C4orf17: variants seen among roughly 807,000 people sequenced by gnomAD.
C4orf17 encodes uncharacterized protein C4orf17.
A neutral mutation model predicts 32.0 loss-of-function variants in C4orf17; 25 were observed. That is an observed-to-expected ratio of 0.78 (90% CI 0.57 to 1.09). The LOEUF (loss-of-function observed/expected upper bound fraction) is 1.09, where lower values mean the gene tolerates loss of function less well. Ranked by LOEUF, C4orf17 falls within the 50% of genes least tolerant of loss-of-function variation. The pLI is 0.00. For synonymous variants in C4orf17, 149 were observed against 145.8 expected (o/e 1.02, Z -0.16); for missense variants, 420 against 420.0 (o/e 1.00, Z 0.00).
intron 2 of C4orf17, among the ~76,000 whole-genome samples, 175 bp from the exon 3 acceptor site, chr4:99,522,325 C>T (rs866304988): frequency 5.4e-5 from 8 of 149,158 alleles, no homozygotes; most frequent in Middle Eastern, 6.8e-3. Context: ...AGAATGTCTA[C>T]CTTGCACTGG....
intron 3 of C4orf17, among the ~76,000 whole-genome samples, chr4:99,523,239 A>G (rs567071965): frequency 6.6e-6 from 1 of 152,018 alleles, no homozygotes; most frequent in South Asian, 2.1e-4. Flanking sequence ...AGGCACTGAT[A>G]AAAGTAAAAT....
At chr4:99,521,407 C>A (rs1264249310) in intron 2 of C4orf17, among the ~76,000 whole-genome samples, 1 of 151,800 alleles carries the variant, frequency 6.6e-6, no homozygotes, top group Non-Finnish European at 1.5e-5. Context: ...AATTTGTGAC[C>A]ATTGCATATT....
Position 99,529,842 on chromosome 4 carries a change from T to A in C4orf17, c.430T>A (p.Ser144Thr), listed in dbSNP as rs775429541. ...KEEIKAKRPP[S>T]PPKACSTPGS... The stretch of plus-strand genomic sequence containing the variant: ...AGAAATTAAGGCCAAAAGACCACCA[T>A]CACCTCCAAAGGCATGCTCTACTCC... The change falls in exon 5 of 9, where the codon TCA becomes ACA. Residue 144 changes from serine (S) to threonine (T), a missense_variant. Transcript: ENST00000326581. 1.9e-6 allele frequency: 3 copies of A among 1,611,616 alleles called. 1 individual carries two copies. In the South Asian group the frequency reaches 3.3e-5, roughly 18 times the overall value.
chr4:99,539,345 G>T lies in C4orf17; in HGVS notation c.811G>T (p.Asp271Tyr). 6.2e-7 allele frequency: 1 copy of T among 1,614,054 alleles called. No individual in the cohort carries two copies. Among genetic ancestry groups the T allele is most frequent in the African/African-American group, 1.3e-5 (1 of 75,060 alleles). Residue 271 changes from aspartate to tyrosine, a missense_variant, in exon 7 of 9, where the codon GAT becomes TAT. Coordinates refer to ENST00000326581, the MANE Select transcript of C4orf17 (RefSeq NM_032149.3). ...TGCAAAATCAAAAGTGCTGACCAGAGATACAGAAGGGGATCAACCAACCAG... is the reference window on the plus strand; with the variant it reads ...TGCAAAATCAAAAGTGCTGACCAGATATACAGAAGGGGATCAACCAACCAG... ...FTAKSKVLTR[D>Y]TEGDQPTRVS... is the part of the protein sequence containing the mutation.
chr4:99,537,805 G>T, intron 6 of C4orf17, 55 bp downstream of exon 6: 1 of 1,228,262 alleles, frequency 8.1e-7, no homozygotes, highest in South Asian at 1.2e-5. Flanking sequence ...GTCAGAAACT[G>T]GGAATATGCC....
rs759287496 is a variant in C4orf17 at position 99,513,061 on chromosome 4, G to A, written c.-21G>A. 9.9e-6 allele frequency: 16 copies of A among 1,613,274 alleles called. 1 individual carries two copies. The highest frequency in any genetic ancestry group is 1.7e-4 in the Middle Eastern group (1 of 6,050). On this transcript the variant is annotated 5_prime_UTR_variant, in exon 2 of 9. Transcript: ENST00000326581. Reference sequence around the variant, plus strand: ...ACTTTTGTGACAACAGTGAAGAGGGGAAAATAAACACACCACAAACATGAA... The same window carrying A: ...ACTTTTGTGACAACAGTGAAGAGGGAAAAATAAACACACCACAAACATGAA...
intron 5 of C4orf17, 56 bp from the exon 6 acceptor site, chr4:99,537,613 C>A (rs1170712612): frequency 5.6e-6 from 7 of 1,251,830 alleles, no homozygotes; most frequent in Non-Finnish European, 8.1e-6. Context: ...TAAAGGAAAA[C>A]TGATAAGCCT....
intron 2 of C4orf17, among the ~76,000 whole-genome samples, chr4:99,519,661 C>T (rs1447046834): frequency 6.6e-6 from 1 of 152,132 alleles, no homozygotes; most frequent in African/African-American, 2.4e-5. Context: ...AGTTCTGTGT[C>T]CCTGAGCAAT....
chr4:99,537,772 T>G, intron 6 of C4orf17, 22 bp downstream of exon 6: 1 of 1,541,942 alleles, frequency 6.5e-7, no homozygotes, highest in South Asian at 1.1e-5. Context: ...ATATAAATTT[T>G]AAAACACTGA....
At chr4:99,526,664 T>A (rs1235970987) in intron 4 of C4orf17, among the ~76,000 whole-genome samples, 1 of 151,474 alleles carries the variant, frequency 6.6e-6, no homozygotes, top group Non-Finnish European at 1.5e-5. Flanking sequence ...TTTTTTTTTT[T>A]TATAGCTATA....
At chr4:99,530,274 T>G (rs1723456993) in intron 5 of C4orf17, among the ~76,000 whole-genome samples, 1 of 152,168 alleles carries the variant, frequency 6.6e-6, no homozygotes. Context: ...GACACTACTC[T>G]TAATGTCTTG....
chr4:99,512,758 T>G (rs1028133498), intron 1 of C4orf17, among the ~76,000 whole-genome samples: 5 of 152,186 alleles, frequency 3.3e-5, no homozygotes, highest in African/African-American at 1.2e-4. Context: ...ACAAATATAA[T>G]ATAAATATTT....
At chr4:99,512,904 C>A in intron 1 of C4orf17, 85 bp from the exon 2 acceptor site, 1 of 643,934 alleles carries the variant, frequency 1.6e-6, no homozygotes, top group Non-Finnish European at 2.6e-6. Context: ...CAATTTAGTT[C>A]AAGCAAAGAA....
At chr4:99,521,186 A>G (rs1244300721) in intron 2 of C4orf17, among the ~76,000 whole-genome samples, 1 of 152,186 alleles carries the variant, frequency 6.6e-6, no homozygotes, top group East Asian at 1.9e-4. Flanking sequence ...AGCCTGTCCA[A>G]CATGGTGAAA....
chr4:99,528,130 TA>T (rs1723419931), intron 4 of C4orf17, among the ~76,000 whole-genome samples: 1 of 152,208 alleles, frequency 6.6e-6, no homozygotes. Context: ...TATATTCTTT[TA>T]AAAATATCTG....
rs1723659044 is a variant in C4orf17 at position 99,542,153 on chromosome 4, AT to A, written c.*47del. 4 of 1,494,952 alleles carry A rather than the reference AT, an allele frequency of 2.7e-6. No individual in the cohort carries two copies. Among genetic ancestry groups the A allele is most frequent in the Non-Finnish European group, 1.9e-6 (2 of 1,075,404 alleles). 92.6% of individuals were successfully genotyped at this position (1,494,952 alleles called of 1,614,324 possible). ...ATTCTTTCATGAATATGAGCTTCACATTTACATCATCAAATTATTTTTCAAA... is the reference window on the plus strand; with the variant it reads ...ATTCTTTCATGAATATGAGCTTCACATTACATCATCAAATTATTTTTCAAA... On this transcript the variant is annotated 3_prime_UTR_variant, in exon 9 of 9. Transcript: ENST00000326581.
At chr4:99,524,465 G>A in intron 3 of C4orf17, 56 bp from the exon 4 acceptor site, 1 of 1,021,406 alleles carries the variant, frequency 9.8e-7, no homozygotes. Context: ...TATATCATGT[G>A]ATATAAATTC....
At chr4:99,540,053 G>A (rs939368903) in intron 7 of C4orf17, among the ~76,000 whole-genome samples, 7 of 152,092 alleles carry the variant, frequency 4.6e-5, no homozygotes, top group African/African-American at 1.7e-4. Flanking sequence ...CTTAAAGTTA[G>A]AGGAAAAATA....
At chr4:99,524,303 TATC>T (rs1723350428) in intron 3 of C4orf17, among the ~76,000 whole-genome samples, 1 of 152,202 alleles carries the variant, frequency 6.6e-6, no homozygotes, top group Non-Finnish European at 1.5e-5. Context: ...TGTGTTTTTA[TATC>T]ATCATCTTGG....
Sources: allele counts gnomAD v4.1 joint callset (sites outside exome capture counted in the v4.1 genomes callset), GRCh38; gene constraint gnomAD v4.1.1; transcripts MANE v1.5; gene names NCBI Gene and HGNC (gene_info 2026-07-23, HGNC 2026-07-21).